The following USP48 variants were observed in gnomAD, a reference collection of about 807,000 sequenced individuals.
USP48 encodes the protein ubiquitin specific peptidase 48, also known as ubiquitin carboxyl-terminal hydrolase 48.
USP48 carries 43 observed loss-of-function variants against 150.7 expected under a neutral mutation model. The observed-to-expected ratio is 0.29, with a 90% confidence interval of 0.22 to 0.37. The LOEUF (loss-of-function observed/expected upper bound fraction) is 0.37. USP48 is among the 10% of genes least tolerant of loss of function. The pLI is 1.00. For missense variants in USP48, 813 were observed against 1,249.6 expected, an observed-to-expected ratio of 0.65 and a Z score of 5.27; for synonymous variants, 396 against 425.9, an observed-to-expected ratio of 0.93 and a Z score of 0.86.
At chr1:21,767,612 C>A (rs1201570472) in intron 1 of USP48, among the ~76,000 whole-genome samples, 3 of 150,914 alleles carry the variant, frequency 2.0e-5, no homozygotes, top group Non-Finnish European at 4.4e-5. Flanking sequence ...CATGAGCCAC[C>A]GCGACCCGGC....
At chr1:21,722,691 A>C (rs2097724800) in intron 12 of USP48, among the ~76,000 whole-genome samples, 1 of 152,128 alleles carries the variant, frequency 6.6e-6, no homozygotes, top group African/African-American at 2.4e-5. Context: ...CAGAAAATAC[A>C]AAACTTAACC....
At chr1:21,701,382 GAAAA>G in intron 22 of USP48, 112 bp downstream of exon 22, 1 of 519,712 alleles carries the variant, frequency 1.9e-6, no homozygotes, top group Non-Finnish European at 3.1e-6. Context: ...AAAAAAAAAA[GAAAA>G]AAAAAGAACC....
At chr1:21,775,877 A>AAAAAC (rs943562774) in intron 1 of USP48, among the ~76,000 whole-genome samples, 2 of 152,156 alleles carry the variant, frequency 1.3e-5, no homozygotes, top group Admixed American at 6.6e-5. Context: ...ACCCCGTCTC[A>AAAAAC]AAAACAAAAC....
At chr1:21,758,703 T>C (rs954664358) in intron 1 of USP48, among the ~76,000 whole-genome samples, 1 of 151,558 alleles carries the variant, frequency 6.6e-6, no homozygotes, top group Non-Finnish European at 1.5e-5. Context: ...GGAGCCGAGA[T>C]TACACCACTG....
intron 14 of USP48, among the ~76,000 whole-genome samples, chr1:21,720,055 GT>G (rs2097715814): frequency 6.6e-6 from 1 of 152,122 alleles, no homozygotes; most frequent in Admixed American, 6.6e-5. Context: ...TAAATTTAGT[GT>G]TTGCTTTAAA....
intron 1 of USP48, among the ~76,000 whole-genome samples, chr1:21,758,012 T>C (rs1001953433): frequency 5.9e-5 from 9 of 152,142 alleles, no homozygotes; most frequent in African/African-American, 2.2e-4. Flanking sequence ...CCTAGCAATC[T>C]CATTTCTGAG....
At position 21,756,683 on chromosome 1, in the gene USP48, G is replaced by C. The variant is rs1557582224; in HGVS notation, c.275C>G (p.Thr92Ser). The C allele has an allele frequency of 1.9e-6, 3 of 1,613,564 alleles. No homozygotes were observed. Among genetic ancestry groups the C allele is most frequent in the Non-Finnish European group, 2.5e-6 (3 of 1,179,874 alleles). The stretch of plus-strand genomic sequence containing the variant: ...GACATAACAAGTGGCTCCAAGGTTA[G>C]TCAGGCCCACAAATGAGTTCTACAA... ...RRKKNSFVGL[T>S]NLGATCYVNT... The change falls in exon 3 of 27, where the codon ACT becomes AGT. Residue 92 changes from threonine (T) to serine (S), a missense_variant. By Grantham distance (58) the Thr-to-Ser change is moderately conservative. Transcript: ENST00000308271.
chr1:21,729,862 A>G (rs1302946027), intron 9 of USP48, 30 bp from the exon 10 acceptor site: 1 of 1,613,594 alleles, frequency 6.2e-7, no homozygotes, highest in South Asian at 1.1e-5. Flanking sequence ...AGGTACCTTA[A>G]CTTAAGTGCC....
chr1:21,743,850 A>C (rs2152569344), intron 8 of USP48, among the ~76,000 whole-genome samples: 1 of 152,328 alleles, frequency 6.6e-6, no homozygotes, highest in African/African-American at 2.4e-5. Flanking sequence ...AAAAAACTAA[A>C]ATATGCTGAG....
intron 20 of USP48, 22 bp downstream of exon 20, chr1:21,704,240 C>A: frequency 6.2e-7 from 1 of 1,603,242 alleles, no homozygotes; most frequent in East Asian, 2.2e-5. Context: ...CTATAGAAAC[C>A]GAAAGCAATA....
chr1:21,721,194 T>C, intron 13 of USP48, 28 bp from the exon 14 acceptor site: 7 of 1,611,424 alleles, frequency 4.3e-6, no homozygotes, highest in Non-Finnish European at 5.9e-6. Context: ...TGTTAAATCA[T>C]ATAAGTAATA....
At chr1:21,764,869 G>A (rs551901469) in intron 1 of USP48, among the ~76,000 whole-genome samples, 1 of 152,280 alleles carries the variant, frequency 6.6e-6, no homozygotes, top group Admixed American at 6.5e-5. Flanking sequence ...ACCAGCCCAT[G>A]TGGAGGCTAC....
intron 23 of USP48, among the ~76,000 whole-genome samples, chr1:21,692,840 C>T (rs1247271687): frequency 2.0e-5 from 3 of 152,144 alleles, no homozygotes; most frequent in Non-Finnish European, 4.4e-5. Context: ...TGAACACACG[C>T]TTCTAGAGAG....
At chr1:21,762,141 C>T (rs1431450388) in intron 1 of USP48, among the ~76,000 whole-genome samples, 1 of 152,106 alleles carries the variant, frequency 6.6e-6, no homozygotes, top group African/African-American at 2.4e-5. Flanking sequence ...GTGGCGTGTG[C>T]CTATAATCCC....
rs765841931 is a variant in USP48 at position 21,704,317 on chromosome 1, C to T, written c.2460G>A (p.Thr820=). 3.8e-5 allele frequency: 62 copies of T among 1,613,604 alleles called. No homozygotes were observed. The highest frequency in any genetic ancestry group is 5.3e-5 in the African/African-American group (4 of 74,820). ...GGTTTACATCTCCCACTTCAATTCT[C>T]GTGATTTTAATTACATGATCCACAA... The part of the protein sequence containing the change: ...LFVVDHVIKI[T]RIEVGDVNPS... The change falls in exon 20 of 27, where the codon ACG becomes ACA. Residue 820 remains threonine (T), a synonymous_variant. Transcript: ENST00000308271.
intron 5 of USP48, 113 bp downstream of exon 5, chr1:21,752,414 G>A (rs2097818694): frequency 1.6e-6 from 2 of 1,245,764 alleles, no homozygotes; most frequent in Non-Finnish European, 2.2e-6. Flanking sequence ...AAATATTTCA[G>A]GTCCCATGAT....
chr1:21,707,384 TAAGTTATCAATTCA>T (rs991760414), intron 15 of USP48, among the ~76,000 whole-genome samples: 37 of 152,266 alleles, frequency 2.4e-4, no homozygotes, highest in East Asian at 5.8e-4. Flanking sequence ...ACCACTGCCT[TAAGTTATCAATTCA>T]AAGTTATCAA....
chr1:21,771,431 AT>A (rs1037623346), intron 1 of USP48, among the ~76,000 whole-genome samples: 2 of 148,364 alleles, frequency 1.3e-5, no homozygotes, highest in African/African-American at 4.9e-5. Context: ...TTATTTTATA[AT>A]TTTATAATTA....
intron 26 of USP48, among the ~76,000 whole-genome samples, chr1:21,679,973 C>A (rs941794741): frequency 2.6e-5 from 4 of 152,204 alleles, no homozygotes; most frequent in Non-Finnish European, 5.9e-5. Flanking sequence ...GGATTACAGG[C>A]GTGAGCCACC....
Sources: gnomAD v4.1 joint callset for allele counts (sites outside exome capture counted in the v4.1 genomes callset) on GRCh38, gnomAD v4.1.1 for gene constraint, MANE v1.5 for transcripts, NCBI Gene and HGNC (gene_info 2026-07-23, HGNC 2026-07-21) for gene names.